Variants in CNOT10 observed in about 807,000 individuals in gnomAD.
CNOT10 encodes the protein CCR4-NOT transcription complex subunit 10, also known as CCR4-NOT transcription complex, subunit 10.
Under a neutral mutation model 94.6 loss-of-function variants are expected in CNOT10, and 30 were observed. The observed-to-expected ratio is 0.32, with a 90% CI of 0.24 to 0.43. The LOEUF is 0.43. Among genes scored for constraint, CNOT10 ranks in the 20% least tolerant of loss-of-function variants. The pLI, the probability that CNOT10 is intolerant of heterozygous loss-of-function variation, is 1.00. For synonymous variants in CNOT10, 289 were observed against 301.6 expected, an observed-to-expected ratio of 0.96 and a Z score of 0.43; for missense variants, 759 against 877.2, an observed-to-expected ratio of 0.87 and a Z score of 1.70.
intron 9 of CNOT10, 46 bp downstream of exon 9, chr3:32,725,645 A>G: frequency 7.8e-6 from 12 of 1,532,688 alleles, no homozygotes; most frequent in Non-Finnish European, 1.1e-5. Flanking sequence ...ACTTCAGAAA[A>G]GCATGATTTA....
intron 1 of CNOT10, among the ~76,000 whole-genome samples, chr3:32,693,010 C>T (rs1696913749): frequency 6.6e-6 from 1 of 152,174 alleles, no homozygotes; most frequent in African/African-American, 2.4e-5. Context: ...CAGCACCGCA[C>T]TCTAGCCTGG....
intron 7 of CNOT10, among the ~76,000 whole-genome samples, chr3:32,718,805 G>A (rs190687349): frequency 6.6e-6 from 1 of 152,096 alleles, no homozygotes; most frequent in African/African-American, 2.4e-5. Context: ...TAGAAGGAAA[G>A]CCTGTTGCTA....
At chr3:32,732,763 G>C (rs931111333) in intron 10 of CNOT10, among the ~76,000 whole-genome samples, 5 of 152,120 alleles carry the variant, frequency 3.3e-5, no homozygotes, top group African/African-American at 1.2e-4. Context: ...TAGAATGAAG[G>C]GGGATCATTA....
Position 32,720,210 on chromosome 3 carries a change from C to T in CNOT10, c.841C>T (p.His281Tyr). The change falls in exon 8 of 19, where the codon CAT becomes TAT. Residue 281 changes from histidine to tyrosine, a missense_variant. Physicochemically the swap from His to Tyr is moderately conservative, Grantham distance 83. This residue lies in a region of CNOT10 where 682 missense variants were observed against 799.4 expected (regional missense o/e 0.85). Coordinates refer to ENST00000328834, the MANE Select transcript of CNOT10 (RefSeq NM_015442.3). ...ATTAAATAGTTCAAACATTGCTGAG[C>T]ATCCAGGATTCATGAAAACAGGTAA... Reference protein sequence around the residue: ...KLLNSSNIAEHPGFMKTGECL... With the variant: ...KLLNSSNIAEYPGFMKTGECL... 1 of 1,511,664 alleles carries T rather than the reference C, an allele frequency of 6.6e-7. No individual in the cohort carries two copies. Among genetic ancestry groups the T allele is most frequent in the Non-Finnish European group, 9.0e-7 (1 of 1,107,756 alleles). 93.6% of individuals were successfully genotyped at this position (1,511,664 alleles called of 1,614,324 possible). A position where few individuals can be genotyped will look rare whatever the true frequency, so the allele number is the denominator to read the frequency against.
chr3:32,686,880 G>C (rs1340359008), intron 1 of CNOT10, among the ~76,000 whole-genome samples: 1 of 152,070 alleles, frequency 6.6e-6, no homozygotes, highest in South Asian at 2.1e-4. Flanking sequence ...TTATTCATTC[G>C]CAAAGATTGA....
chr3:32,686,798 G>A (rs1204546780), intron 1 of CNOT10, among the ~76,000 whole-genome samples: 1 of 152,250 alleles, frequency 6.6e-6, no homozygotes, highest in South Asian at 2.1e-4. Context: ...GCGCTTGCCC[G>A]AAATCACCCT....
chr3:32,748,652 A>G (rs1182676327), intron 13 of CNOT10, among the ~76,000 whole-genome samples: 2 of 151,438 alleles, frequency 1.3e-5, no homozygotes, highest in Non-Finnish European at 2.9e-5. Context: ...AGCTGGGATT[A>G]CAGCTGCCCA....
At chr3:32,728,472 G>A (rs149865526) in intron 10 of CNOT10, among the ~76,000 whole-genome samples, 2 of 151,810 alleles carry the variant, frequency 1.3e-5, no homozygotes, top group South Asian at 2.1e-4. Context: ...AAATTACTGG[G>A]TGTGGCAGTG....
chr3:32,690,551 ATT>A (rs35405028), intron 1 of CNOT10, among the ~76,000 whole-genome samples: 1 of 146,400 alleles, frequency 6.8e-6, no homozygotes. Flanking sequence ...TATCCAGATA[ATT>A]TTTTTTTTTT....
chr3:32,741,611 T>G (rs541276671), intron 13 of CNOT10, among the ~76,000 whole-genome samples: 127 of 151,804 alleles, frequency 8.4e-4, no homozygotes, highest in African/African-American at 2.9e-3. Context: ...ATACTAAAAA[T>G]ACAAAAAATT....
chr3:32,767,316 C>T (rs549413788), intron 17 of CNOT10, among the ~76,000 whole-genome samples: 18 of 152,120 alleles, frequency 1.2e-4, no homozygotes, highest in African/African-American at 4.3e-4. Flanking sequence ...GTCAGGAGTT[C>T]GAGACCAGCC....
intron 5 of CNOT10, among the ~76,000 whole-genome samples, chr3:32,713,633 C>G (rs527691504): frequency 5.3e-5 from 8 of 152,252 alleles, no homozygotes; most frequent in Admixed American, 5.2e-4. Flanking sequence ...AAAAGAAACC[C>G]TGTACCATTT....
At chr3:32,755,324 T>C (rs547195642) in intron 13 of CNOT10, among the ~76,000 whole-genome samples, 184 of 147,446 alleles carry the variant, frequency 1.2e-3, no homozygotes, top group African/African-American at 4.1e-3. Flanking sequence ...TTTTTCTTTT[T>C]TTTTTTTTTT....
At chr3:32,763,608 C>A (rs1700542602) in intron 15 of CNOT10, among the ~76,000 whole-genome samples, 1 of 151,820 alleles carries the variant, frequency 6.6e-6, no homozygotes, top group South Asian at 2.1e-4. Flanking sequence ...CAAGATCACG[C>A]CACTGCACTC....
At chr3:32,703,533 C>T (rs1697469888) in intron 1 of CNOT10, among the ~76,000 whole-genome samples, 1 of 152,152 alleles carries the variant, frequency 6.6e-6, no homozygotes, top group Admixed American at 6.5e-5. Context: ...CTGTACCCTA[C>T]TCACCTTTCT....
chr3:32,727,088 GCCCGCCTTGGCCT>G (rs1414700261), intron 9 of CNOT10, among the ~76,000 whole-genome samples: 1 of 151,874 alleles, frequency 6.6e-6, no homozygotes, highest in African/African-American at 2.4e-5. Context: ...TTCGTGATCT[GCCCGCCTTGGCCT>G]CCCAAAGTGC....
intron 8 of CNOT10, 45 bp from the exon 9 acceptor site, chr3:32,725,405 A>G (rs771836452): frequency 4.6e-6 from 7 of 1,517,578 alleles, no homozygotes; most frequent in African/African-American, 4.1e-5. Context: ...AGGGACATCA[A>G]CATTAAAATT....
intron 11 of CNOT10, among the ~76,000 whole-genome samples, chr3:32,734,568 A>G (rs879835378): frequency 6.6e-6 from 1 of 152,144 alleles, no homozygotes; most frequent in Non-Finnish European, 1.5e-5. Context: ...TCTCATTCCT[A>G]GAGACACAGT....
chr3:32,706,227 G>A (rs1697616048), intron 3 of CNOT10, among the ~76,000 whole-genome samples: 1 of 152,138 alleles, frequency 6.6e-6, no homozygotes, highest in African/African-American at 2.4e-5. Context: ...TCAAAAGAAA[G>A]ATGATGCTTA....
Sources: allele counts gnomAD v4.1 joint callset (sites outside exome capture counted in the v4.1 genomes callset), GRCh38; gene constraint gnomAD v4.1.1; regional missense constraint gnomAD v4.1.1; transcripts MANE v1.5; gene names NCBI Gene and HGNC (gene_info 2026-07-23, HGNC 2026-07-21).